Variants in KLHL29 observed in about 807,000 individuals in gnomAD.
KLHL29 encodes kelch like family member 29.
Under a neutral mutation model 80.4 loss-of-function variants are expected in KLHL29, and 21 were observed. That is an observed-to-expected ratio of 0.26 (90% CI 0.19 to 0.38). The LOEUF (loss-of-function observed/expected upper bound fraction) is 0.38. KLHL29 is among the 10% of genes least tolerant of loss of function. The probability of loss-of-function intolerance (pLI) is 1.00; values close to 1 mark genes in which losing one functional copy is unlikely to be tolerated. For synonymous variants in KLHL29, 511 were observed against 526.8 expected (o/e 0.97, Z 0.41); for missense variants, 867 against 1,223.9 (o/e 0.71, Z 4.35).
At chr2:23,427,359 G>C (rs897132520) in intron 1 of KLHL29, among the ~76,000 whole-genome samples, 6 of 152,210 alleles carry the variant, frequency 3.9e-5, no homozygotes, top group Non-Finnish European at 7.3e-5. Flanking sequence ...TTTAACCTGA[G>C]CTGCCAGAAA....
chr2:23,671,313 C>T (rs1670750856), intron 5 of KLHL29, among the ~76,000 whole-genome samples: 1 of 152,040 alleles, frequency 6.6e-6, no homozygotes, highest in African/African-American at 2.4e-5. Context: ...TCTCTGCTGC[C>T]TGCCCCATGC....
intron 5 of KLHL29, among the ~76,000 whole-genome samples, chr2:23,673,643 C>G (rs987301559): frequency 2.7e-5 from 4 of 150,796 alleles, no homozygotes; most frequent in Admixed American, 2.6e-4. Flanking sequence ...CATACACACA[C>G]ACCCCTACAC....
intron 2 of KLHL29, among the ~76,000 whole-genome samples, chr2:23,551,283 A>C (rs536663005): frequency 6.6e-6 from 1 of 152,336 alleles, no homozygotes; most frequent in East Asian, 1.9e-4. Context: ...CACCAGGAGC[A>C]ATAGCACAAA....
chr2:23,498,974 G>A (rs918287470), intron 2 of KLHL29, among the ~76,000 whole-genome samples: 2 of 152,148 alleles, frequency 1.3e-5, no homozygotes, highest in East Asian at 3.9e-4. Context: ...ATGGCTGAAC[G>A]CTTACAGATG....
chr2:23,627,310 C>T (rs1481787039), intron 3 of KLHL29, among the ~76,000 whole-genome samples: 1 of 152,258 alleles, frequency 6.6e-6, no homozygotes, highest in Non-Finnish European at 1.5e-5. Flanking sequence ...AAGAACACCA[C>T]GCCCTCAGGA....
chr2:23,627,926 A>ATTTTTT (rs1572449515), intron 3 of KLHL29, among the ~76,000 whole-genome samples: 1 of 10,976 alleles, frequency 9.1e-5, no homozygotes, highest in Admixed American at 9.1e-4. Context: ...TTTTTTTTTG[A>ATTTTTT]GATGGAGTCT....
intron 5 of KLHL29, among the ~76,000 whole-genome samples, chr2:23,664,904 G>A (rs912508695): frequency 6.6e-6 from 1 of 152,254 alleles, no homozygotes; most frequent in Admixed American, 6.5e-5. Context: ...CAGAGTGACG[G>A]GAGCCATAGG....
At chr2:23,434,465 T>G (rs1398023039) in intron 1 of KLHL29, among the ~76,000 whole-genome samples, 2 of 152,056 alleles carry the variant, frequency 1.3e-5, no homozygotes, top group Non-Finnish European at 2.9e-5. Context: ...CCCCTCAGGT[T>G]AGGGCACCAG....
At chr2:23,395,349 G>A (rs919100892) in intron 1 of KLHL29, among the ~76,000 whole-genome samples, 4 of 152,198 alleles carry the variant, frequency 2.6e-5, no homozygotes, top group African/African-American at 9.7e-5. Flanking sequence ...TCACAGTAGA[G>A]AGGGGTAGAA....
intron 1 of KLHL29, among the ~76,000 whole-genome samples, chr2:23,397,723 T>C (rs563385604): frequency 6.6e-6 from 1 of 152,296 alleles, no homozygotes; most frequent in Admixed American, 6.5e-5. Flanking sequence ...GGGGCTTGGC[T>C]GTCAGGCCAG....
At chr2:23,650,984 T>G (rs1670073968) in intron 5 of KLHL29, among the ~76,000 whole-genome samples, 1 of 152,158 alleles carries the variant, frequency 6.6e-6, no homozygotes, top group African/African-American at 2.4e-5. Context: ...GGCACAAAAC[T>G]GGTTCAATGA....
chr2:23,618,842 C>G (rs1374670401), intron 3 of KLHL29, among the ~76,000 whole-genome samples: 1 of 152,194 alleles, frequency 6.6e-6, no homozygotes, highest in African/African-American at 2.4e-5. Flanking sequence ...CCTGTGTCCT[C>G]TAGGAGAAGA....
chr2:23,458,469 G>A (rs779591387), intron 1 of KLHL29, among the ~76,000 whole-genome samples: 5 of 152,230 alleles, frequency 3.3e-5, no homozygotes, highest in Non-Finnish European at 7.3e-5. Flanking sequence ...AGGCTATCGC[G>A]TGCTGGCCCC....
chr2:23,450,719 A>T (rs1053413740), intron 1 of KLHL29, among the ~76,000 whole-genome samples: 2 of 152,204 alleles, frequency 1.3e-5, no homozygotes, highest in Admixed American at 1.3e-4. Context: ...TAAGTTAATA[A>T]TAATAATAAC....
intron 2 of KLHL29, among the ~76,000 whole-genome samples, chr2:23,505,266 A>T (rs1173241437): frequency 6.6e-6 from 1 of 152,212 alleles, no homozygotes; most frequent in Non-Finnish European, 1.5e-5. Context: ...CAGAGGAGAC[A>T]GGCCTTGTCC....
At chr2:23,453,689 C>A (rs368146987) in intron 1 of KLHL29, among the ~76,000 whole-genome samples, 3 of 152,204 alleles carry the variant, frequency 2.0e-5, no homozygotes, top group East Asian at 3.9e-4. Flanking sequence ...CAGAGAAACA[C>A]GATTTATTAT....
chr2:23,573,013 C>T (rs926869826), intron 3 of KLHL29, among the ~76,000 whole-genome samples: 21 of 152,112 alleles, frequency 1.4e-4, no homozygotes, highest in African/African-American at 4.1e-4. Flanking sequence ...CTGTGGGTGC[C>T]GTGATGAGGA....
In KLHL29 at chr2:23,684,985, C is replaced by T. The variant is rs957062178; in HGVS notation, c.1079+448C>T. Among the ~76,000 whole-genome samples the T allele has an allele frequency of 2.0e-5, 3 of 152,234 alleles. No homozygotes were observed. The highest frequency in any genetic ancestry group is 7.2e-5 in the African/African-American group (3 of 41,466). On this transcript the variant is annotated intron_variant, in intron 6 of 13. Transcript: ENST00000486442. This position sits in a 1 kb window ranked among gnomAD's most constrained non-coding sequence, Gnocchi z 4.4. ...GGTGACTAATGCCAGGAAAGCGCAT[C>T]GGCCAGGCTGTCCCTGCTGAGGAGC...
intron 2 of KLHL29, among the ~76,000 whole-genome samples, chr2:23,519,118 G>A (rs1283043528): frequency 6.6e-6 from 1 of 152,146 alleles, no homozygotes; most frequent in Admixed American, 6.5e-5. Flanking sequence ...CTTTTCTCAT[G>A]TTCTGTGGGG....
Sources: allele counts gnomAD v4.1 joint callset (sites outside exome capture counted in the v4.1 genomes callset), GRCh38; gene constraint gnomAD v4.1.1; non-coding constraint Gnocchi (gnomAD v3.1); transcripts MANE v1.5; gene names NCBI Gene and HGNC (gene_info 2026-07-23, HGNC 2026-07-21).